The following SGCD variants were observed in gnomAD, a reference collection of about 807,000 sequenced individuals.
SGCD encodes the protein delta-sarcoglycan.
SGCD carries 18 observed loss-of-function variants against 36.6 expected under a neutral mutation model. That is an observed-to-expected ratio of 0.49 (90% CI 0.34 to 0.73). SGCD has a LOEUF of 0.73. SGCD is among the 30% of genes least tolerant of loss of function. The pLI is 0.01. For synonymous variants in SGCD, 133 were observed against 130.6 expected, an observed-to-expected ratio of 1.02 and a Z score of -0.12; for missense variants, 387 against 346.7, an observed-to-expected ratio of 1.12 and a Z score of -0.92.
At chr5:156,301,430 G>T (rs976523926) in intron 3 of SGCD, among the ~76,000 whole-genome samples, 3 of 151,936 alleles carry the variant, frequency 2.0e-5, no homozygotes, top group African/African-American at 4.8e-5. Context: ...TATAACCTTT[G>T]TTGTTTCTCT....
chr5:156,738,258 G>A (rs1023314301), intron 7 of SGCD, among the ~76,000 whole-genome samples: 6 of 152,142 alleles, frequency 3.9e-5, no homozygotes, highest in East Asian at 1.9e-4. Flanking sequence ...ACAGTGTAAA[G>A]AATGTAATAG....
At chr5:156,608,588 C>T (rs1761605468) in intron 6 of SGCD, among the ~76,000 whole-genome samples, 1 of 152,174 alleles carries the variant, frequency 6.6e-6, no homozygotes, top group Non-Finnish European at 1.5e-5. Flanking sequence ...AGTTCAATTC[C>T]TGGATATCCT....
At chr5:155,809,870 A>G in the SGCD span, among the ~76,000 whole-genome samples, 1 of 152,214 alleles carries the variant, frequency 6.6e-6, no homozygotes, top group Admixed American at 6.5e-5. Context: ...ACAGCTCTAT[A>G]ATCATCATCT....
At chr5:155,850,231 C>T in the SGCD span, among the ~76,000 whole-genome samples, 9 of 152,240 alleles carry the variant, frequency 5.9e-5, no homozygotes, top group East Asian at 3.9e-4. Context: ...TCATGTCTGA[C>T]GGCTCTAATA....
chr5:156,671,771 G>A (rs901031322), intron 7 of SGCD, among the ~76,000 whole-genome samples: 5 of 152,144 alleles, frequency 3.3e-5, no homozygotes, highest in Admixed American at 2.0e-4. Flanking sequence ...GGGTCATTTG[G>A]CTCACAGTTC....
intron 3 of SGCD, among the ~76,000 whole-genome samples, chr5:156,359,113 A>C (rs1203553133): frequency 6.6e-6 from 1 of 152,214 alleles, no homozygotes; most frequent in Admixed American, 6.5e-5. Context: ...CTTGTGGTAT[A>C]ATTGGGGACC....
At chr5:155,830,584 C>G in the SGCD span, among the ~76,000 whole-genome samples, 7 of 152,212 alleles carry the variant, frequency 4.6e-5, no homozygotes, top group African/African-American at 1.7e-4. Flanking sequence ...TATAACTTCT[C>G]TGGCCTTGTA....
At chr5:156,487,961 T>A (rs919328322) in intron 3 of SGCD, among the ~76,000 whole-genome samples, 2 of 12,422 alleles carry the variant, frequency 1.6e-4, no homozygotes, top group Admixed American at 4.7e-4. Context: ...TAACATATAT[T>A]ATATATATAT....
intron 3 of SGCD, among the ~76,000 whole-genome samples, chr5:156,419,609 A>G (rs1202589854): frequency 6.6e-6 from 1 of 152,156 alleles, no homozygotes; most frequent in Non-Finnish European, 1.5e-5. Flanking sequence ...GGCGAGTAAT[A>G]AAAGCAATAT....
intron 3 of SGCD, chr5:156,393,795 T>C (rs1771710529): frequency 2.2e-6 from 1 of 456,188 alleles, no homozygotes; most frequent in African/African-American, 2.0e-5. Flanking sequence ...ATTCAGATGT[T>C]GTGGAATGAG....
chr5:156,488,337 A>C (rs1399826922), intron 3 of SGCD, among the ~76,000 whole-genome samples: 1 of 152,058 alleles, frequency 6.6e-6, no homozygotes, highest in Non-Finnish European at 1.5e-5. Context: ...AAATGGATTC[A>C]ACCCAACAAG....
At chr5:156,568,422 A>G (rs1759583647) in intron 4 of SGCD, among the ~76,000 whole-genome samples, 1 of 152,202 alleles carries the variant, frequency 6.6e-6, no homozygotes, top group African/African-American at 2.4e-5. Flanking sequence ...TGTAACCACT[A>G]AATGGTCCTA....
chr5:156,222,576 A>G (rs1445489253), intron 3 of SGCD, among the ~76,000 whole-genome samples: 1 of 152,112 alleles, frequency 6.6e-6, no homozygotes, highest in African/African-American at 2.4e-5. Context: ...GCTTGAGTAA[A>G]GTAAAGTGGT....
chr5:155,953,624 C>A (rs1757588032), intron 1 of SGCD, among the ~76,000 whole-genome samples: 1 of 152,142 alleles, frequency 6.6e-6, no homozygotes, highest in African/African-American at 2.4e-5. Flanking sequence ...TTAGAAAGTA[C>A]CAATTGTATA....
intron 7 of SGCD, among the ~76,000 whole-genome samples, chr5:156,668,772 G>A (rs1194032640): frequency 6.6e-6 from 1 of 152,170 alleles, no homozygotes; most frequent in Non-Finnish European, 1.5e-5. Flanking sequence ...AAGAAGATGG[G>A]ACATATAGGA....
At chr5:156,405,267 G>A (rs890733504) in intron 3 of SGCD, among the ~76,000 whole-genome samples, 8 of 152,196 alleles carry the variant, frequency 5.3e-5, no homozygotes, top group African/African-American at 1.9e-4. Flanking sequence ...CTGGGCTTCT[G>A]AAGGACAGAA....
At position 156,170,110 on chromosome 5, in the gene SGCD, G is replaced by A. The variant is rs546005331; in HGVS notation, c.-44+46091G>A. On this transcript the variant is annotated intron_variant, in intron 3 of 9. Transcript: ENST00000517913. ...AGCAGTAACACCAGCAAGCGCTGAAGGGAGGCCCAGGCTTTGACCCTTTAA... is the reference window on the plus strand; with the variant it reads ...AGCAGTAACACCAGCAAGCGCTGAAAGGAGGCCCAGGCTTTGACCCTTTAA... Among the ~76,000 whole-genome samples, 7 of 152,296 alleles carry A rather than the reference G, an allele frequency of 4.6e-5. No homozygotes were observed. In the South Asian group the frequency reaches 1.4e-3, roughly 32 times the overall value.
chr5:156,580,033 T>A (rs1487104366), intron 4 of SGCD, among the ~76,000 whole-genome samples: 1 of 152,194 alleles, frequency 6.6e-6, no homozygotes, highest in African/African-American at 2.4e-5. Flanking sequence ...ATTTGGCATG[T>A]TTTTGCAGTG....
intron 7 of SGCD, among the ~76,000 whole-genome samples, chr5:156,740,146 G>T (rs1282922298): frequency 2.0e-5 from 3 of 152,210 alleles, no homozygotes; most frequent in Non-Finnish European, 4.4e-5. Flanking sequence ...GGACCATGGA[G>T]TTGAACATGA....
Sources: gnomAD v4.1 joint callset for allele counts (sites outside exome capture counted in the v4.1 genomes callset) on GRCh38, gnomAD v4.1.1 for gene constraint, MANE v1.5 for transcripts, NCBI Gene and HGNC (gene_info 2026-07-23, HGNC 2026-07-21) for gene names.